The following DCBLD2 variants were observed in gnomAD, a reference collection of about 807,000 sequenced individuals.
The protein encoded by DCBLD2 is discoidin, CUB and LCCL domain containing 2.
DCBLD2 carries 54 observed loss-of-function variants against 86.8 expected under a neutral mutation model. The observed-to-expected ratio is 0.62, with a 90% confidence interval of 0.50 to 0.78. DCBLD2 has a LOEUF of 0.78. Ranked by LOEUF, DCBLD2 falls within the 30% of genes least tolerant of loss-of-function variation. The pLI is 0.00. For missense variants in DCBLD2, 908 were observed against 954.2 expected (o/e 0.95, Z 0.64); for synonymous variants, 354 against 341.3 (o/e 1.04, Z -0.41).
intron 2 of DCBLD2, among the ~76,000 whole-genome samples, chr3:98,859,370 G>A (rs55662129): frequency 0.11 from 17,245 of 152,238 alleles, 1,195 homozygotes; most frequent in South Asian, 0.18. Flanking sequence ...CAGCTTTGAA[G>A]AGAGTAGTGG....
In DCBLD2 at chr3:98,797,506, AG is replaced by A. The variant is rs1207601817; in HGVS notation, c.*1865del. 6.6e-6 allele frequency: 1 copy of A among 152,614 alleles called. No homozygotes were observed. Among genetic ancestry groups the A allele is most frequent in the Non-Finnish European group, 1.5e-5 (1 of 68,028 alleles). The allele number at this position is 152,614 out of a possible 1,614,324, so 9.5% of individuals were successfully genotyped here. A position where few individuals can be genotyped will look rare whatever the true frequency, so the allele number is the denominator to read the frequency against. ...TGGTTTGCTCTCTTCCCACCTGAAAAGGGATGACTGCATTAATATATGTGCT... is the reference window on the plus strand; with the variant it reads ...TGGTTTGCTCTCTTCCCACCTGAAAAGGATGACTGCATTAATATATGTGCT... On this transcript the variant is annotated 3_prime_UTR_variant, in exon 16 of 16. Coordinates refer to ENST00000326840, the MANE Select transcript of DCBLD2 (RefSeq NM_080927.4).
Position 98,836,054 on chromosome 3 carries a change from GTGTGTGTGTGTA to G in DCBLD2, c.572-10700_572-10689del, listed in dbSNP as rs1045130865. Among the ~76,000 whole-genome samples, 195 of 116,372 alleles carry G rather than the reference GTGTGTGTGTGTA, an allele frequency of 1.7e-3. 2 individuals carry two copies. In the East Asian group the frequency reaches 0.018, roughly 10 times the overall value. 76.3% of individuals were successfully genotyped at this position (116,372 alleles called of 152,430 possible). On this transcript the variant is annotated intron_variant, in intron 3 of 15. Transcript: ENST00000326840. The stretch of plus-strand genomic sequence containing the variant: ...TTTATAGTAATAAATCAGTCCTCCT[GTGTGTGTGTGTA>G]TGTGTGTGTGTATGTAAACCTCACC...
At chr3:98,860,689 C>T (rs1943025091) in intron 2 of DCBLD2, among the ~76,000 whole-genome samples, 1 of 152,268 alleles carries the variant, frequency 6.6e-6, no homozygotes, top group Middle Eastern at 3.4e-3. Context: ...GATTTTGTCA[C>T]CACCAGGCCT....
chr3:98,868,347 G>T (rs1234177075), intron 2 of DCBLD2, among the ~76,000 whole-genome samples: 2 of 152,126 alleles, frequency 1.3e-5, no homozygotes, highest in Non-Finnish European at 2.9e-5. Context: ...TAGAGATGGG[G>T]TTGAAGAATA....
intron 9 of DCBLD2, chr3:98,813,422 A>C: frequency 6.6e-6 from 1 of 152,106 alleles, no homozygotes; most frequent in Non-Finnish European, 1.5e-5. Flanking sequence ...ACGCCCGGCT[A>C]ATTTTTGCAT....
Position 98,797,002 on chromosome 3 carries a change from CA to C in DCBLD2, c.*2369del. 1 of 147,784 alleles carries C rather than the reference CA, an allele frequency of 6.8e-6. No homozygotes were observed. The highest frequency in any genetic ancestry group is 2.1e-4 in the South Asian group (1 of 4,686). 9.2% of individuals were successfully genotyped at this position (147,784 alleles called of 1,614,324 possible). A position where few individuals can be genotyped will look rare whatever the true frequency, so the allele number is the denominator to read the frequency against. On this transcript the variant is annotated 3_prime_UTR_variant, in exon 16 of 16. Transcript: ENST00000326840. ...TTTTCAGTTGTTACTTGATTGTCTCCAAAGCCGTATATGTATCAGACATATA... is the reference window on the plus strand; with the variant it reads ...TTTTCAGTTGTTACTTGATTGTCTCCAAGCCGTATATGTATCAGACATATA...
intron 2 of DCBLD2, among the ~76,000 whole-genome samples, chr3:98,850,678 C>T (rs1432729285): frequency 3.9e-5 from 6 of 152,098 alleles, no homozygotes; most frequent in Non-Finnish European, 8.8e-5. Context: ...GTAATGTGGA[C>T]CTCCAAGGAT....
intron 2 of DCBLD2, among the ~76,000 whole-genome samples, chr3:98,873,833 C>T (rs769276061): frequency 1.3e-5 from 2 of 151,858 alleles, no homozygotes; most frequent in Non-Finnish European, 2.9e-5. Context: ...AATAGGCATG[C>T]CCCTAGCTAA....
At chr3:98,870,681 AT>A (rs1308538647) in intron 2 of DCBLD2, among the ~76,000 whole-genome samples, 2 of 150,006 alleles carry the variant, frequency 1.3e-5, no homozygotes, top group African/African-American at 4.9e-5. Flanking sequence ...AGAGAGAGAA[AT>A]AGAGAAAGAA....
chr3:98,802,808 C>T (rs1251268299), intron 13 of DCBLD2, among the ~76,000 whole-genome samples: 1 of 152,186 alleles, frequency 6.6e-6, no homozygotes, highest in Non-Finnish European at 1.5e-5. Context: ...AATAGGGAAT[C>T]CTTTCCCCAG....
intron 1 of DCBLD2, chr3:98,900,875 G>A (rs1943835002): frequency 1.7e-6 from 1 of 605,432 alleles, no homozygotes; most frequent in Non-Finnish European, 2.8e-6. Context: ...GGCTTTCATA[G>A]CAGGGTCTCA....
rs1215628284 is a variant in DCBLD2 at position 98,881,526 on chromosome 3, A to T, written c.433+14T>A. 17 of 1,608,234 alleles carry T rather than the reference A, an allele frequency of 1.1e-5. No individual in the cohort carries two copies. The highest frequency in any genetic ancestry group is 1.4e-5 in the Non-Finnish European group (16 of 1,175,692). ...TGATGTATTTACATGTACATTTACA[A>T]AAAAAAGTCCTACCTATTTCAGTTC... On this transcript the variant is annotated intron_variant, in intron 2 of 15. Coordinates refer to ENST00000326840, the MANE Select transcript of DCBLD2 (RefSeq NM_080927.4).
Position 98,837,940 on chromosome 3 carries a change from C to T in DCBLD2, c.571+11521G>A, listed in dbSNP as rs1156712063. On this transcript the variant is annotated intron_variant, in intron 3 of 15. Coordinates refer to ENST00000326840, the MANE Select transcript of DCBLD2 (RefSeq NM_080927.4). ...GGTGCTGACCCCCCCATCTCCCTCCCGGATGGGGTGGCTGGCCGGGCTGAG... is the reference window on the plus strand; with the variant it reads ...GGTGCTGACCCCCCCATCTCCCTCCTGGATGGGGTGGCTGGCCGGGCTGAG... 2.6e-3 allele frequency among the ~76,000 whole-genome samples: 179 copies of T among 67,558 alleles called. 2 individuals are homozygous for T. The highest frequency in any genetic ancestry group is 0.024 in the Middle Eastern group (1 of 42). 44.3% of individuals were successfully genotyped at this position (67,558 alleles called of 152,430 possible). A position where few individuals can be genotyped will look rare whatever the true frequency, so the allele number is the denominator to read the frequency against.
chr3:98,848,717 T>C (rs1158497109), intron 3 of DCBLD2, among the ~76,000 whole-genome samples: 2 of 152,222 alleles, frequency 1.3e-5, no homozygotes, highest in Non-Finnish European at 2.9e-5. Context: ...GTTTATTTCA[T>C]GCTGTCTCAG....
intron 2 of DCBLD2, among the ~76,000 whole-genome samples, chr3:98,851,619 T>C (rs116414270): frequency 6.6e-6 from 1 of 152,226 alleles, no homozygotes; most frequent in Non-Finnish European, 1.5e-5. Context: ...AGAATCCATG[T>C]AGCCAAGACA....
chr3:98,853,330 GA>G (rs11327453), intron 2 of DCBLD2, among the ~76,000 whole-genome samples: 147,685 of 152,200 alleles, frequency 0.97, 71,811 homozygotes, highest in Non-Finnish European at 1. Context: ...AAATCACAAG[GA>G]AAAAAAGGAA....
intron 3 of DCBLD2, among the ~76,000 whole-genome samples, chr3:98,837,904 G>A (rs1227782537): frequency 8.4e-6 from 1 of 118,370 alleles, no homozygotes; most frequent in Non-Finnish European, 1.8e-5. Flanking sequence ...TGGGGCGGCT[G>A]GCCGGGTGGG....
chr3:98,857,789 G>A (rs1942962937), intron 2 of DCBLD2, among the ~76,000 whole-genome samples: 1 of 152,228 alleles, frequency 6.6e-6, no homozygotes, highest in Non-Finnish European at 1.5e-5. Flanking sequence ...ACAGGGTGCT[G>A]ATTGGTGTCT....
chr3:98,811,626 T>C (rs1559770310), intron 10 of DCBLD2, 72 bp from the exon 11 acceptor site: 2 of 1,318,876 alleles, frequency 1.5e-6, no homozygotes, highest in Non-Finnish European at 2.1e-6. Flanking sequence ...TAATGCTAAA[T>C]GTCTTCAATA....
Sources: gnomAD v4.1 joint callset for allele counts (sites outside exome capture counted in the v4.1 genomes callset) on GRCh38, gnomAD v4.1.1 for gene constraint, MANE v1.5 for transcripts, NCBI Gene and HGNC (gene_info 2026-07-23, HGNC 2026-07-21) for gene names.